The following CCDC178 variants were observed in gnomAD, a reference collection of about 807,000 sequenced individuals.
CCDC178 encodes coiled-coil domain-containing protein 178.
Under a neutral mutation model 117.4 loss-of-function variants are expected in CCDC178, and 126 were observed. That is an observed-to-expected ratio of 1.07 (90% CI 0.93 to 1.24). The LOEUF (loss-of-function observed/expected upper bound fraction) is 1.24. Among genes scored for constraint, CCDC178 ranks in the 50% most tolerant of loss-of-function variants. CCDC178 has a pLI of 0.00. For missense variants in CCDC178, 1,030 were observed against 986.9 expected (o/e 1.04, Z -0.59); for synonymous variants, 283 against 313.4 (o/e 0.90, Z 1.02).
In CCDC178 at chr18:33,342,159, A is replaced by G. The variant is rs150689491; in HGVS notation, c.658+4052T>C. On this transcript the variant is annotated intron_variant, in intron 9 of 22. Coordinates refer to ENST00000383096, the MANE Select transcript of CCDC178 (RefSeq NM_001105528.4). ...ACAATTGAAGATGAGATTACTGTGA[A>G]ATATGTTGAAACCATAGAATATCAG... Among the ~76,000 whole-genome samples, 478 of 152,322 alleles carry G rather than the reference A, an allele frequency of 3.1e-3. 3 individuals are homozygous for G. Among genetic ancestry groups the G allele is most frequent in the African/African-American group, 0.011 (454 of 41,578 alleles).
At chr18:32,999,000 G>A (rs764925744) in intron 21 of CCDC178, among the ~76,000 whole-genome samples, 1 of 152,048 alleles carries the variant, frequency 6.6e-6, no homozygotes, top group African/African-American at 2.4e-5. Context: ...GTAGCATCTT[G>A]GCCACAGTAG....
At chr18:33,164,700 C>T (rs1568028336) in intron 20 of CCDC178, among the ~76,000 whole-genome samples, 1 of 151,470 alleles carries the variant, frequency 6.6e-6, no homozygotes, top group Non-Finnish European at 1.5e-5. Context: ...TTATCTGCTT[C>T]TAAATTGGGT....
At chr18:33,180,334 T>A (rs949784739) in intron 20 of CCDC178, among the ~76,000 whole-genome samples, 1 of 151,924 alleles carries the variant, frequency 6.6e-6, no homozygotes, top group Non-Finnish European at 1.5e-5. Flanking sequence ...ATGTTAATAC[T>A]TTTTTATTAA....
chr18:33,095,841 T>C (rs1348840199), intron 20 of CCDC178, among the ~76,000 whole-genome samples: 1 of 151,988 alleles, frequency 6.6e-6, no homozygotes, highest in Non-Finnish European at 1.5e-5. Flanking sequence ...TCATACCATA[T>C]GTTTTTGTAT....
intron 21 of CCDC178, among the ~76,000 whole-genome samples, chr18:33,033,355 A>T (rs1291566882): frequency 6.6e-6 from 1 of 151,704 alleles, no homozygotes; most frequent in African/African-American, 2.4e-5. Flanking sequence ...CCTCCAAGGA[A>T]AAAAGCCCTT....
At chr18:33,127,918 C>G (rs2058027850) in intron 20 of CCDC178, among the ~76,000 whole-genome samples, 1 of 152,104 alleles carries the variant, frequency 6.6e-6, no homozygotes, top group African/African-American at 2.4e-5. Context: ...AAGTGAAGCC[C>G]ACAGAGATAT....
intron 21 of CCDC178, among the ~76,000 whole-genome samples, chr18:33,081,567 A>G (rs1343217377): frequency 6.6e-6 from 1 of 152,214 alleles, no homozygotes; most frequent in African/African-American, 2.4e-5. Context: ...TTTACAGATA[A>G]CATTTTTGCT....
At chr18:33,273,601 AGAC>A (rs1474907929) in intron 12 of CCDC178, among the ~76,000 whole-genome samples, 1 of 151,706 alleles carries the variant, frequency 6.6e-6, no homozygotes. Context: ...AACAGTGTCT[AGAC>A]AATTCAATGA....
At chr18:33,214,634 T>A (rs1001016926) in intron 19 of CCDC178, among the ~76,000 whole-genome samples, 3 of 152,074 alleles carry the variant, frequency 2.0e-5, no homozygotes, top group Non-Finnish European at 4.4e-5. Context: ...TCTTTAAAAG[T>A]AAATGATATG....
intron 20 of CCDC178, among the ~76,000 whole-genome samples, chr18:33,117,017 A>C (rs2057866370): frequency 6.6e-6 from 1 of 152,068 alleles, no homozygotes; most frequent in South Asian, 2.1e-4. Context: ...CAGGGGCATG[A>C]ATCTATATCA....
intron 20 of CCDC178, among the ~76,000 whole-genome samples, chr18:33,193,580 A>T (rs1284111968): frequency 2.0e-5 from 3 of 152,156 alleles, no homozygotes; most frequent in African/African-American, 7.2e-5. Flanking sequence ...GGTGATTTCT[A>T]TAATGTCTTA....
At chr18:33,368,017 T>C (rs1038680466) in intron 6 of CCDC178, among the ~76,000 whole-genome samples, 1 of 152,014 alleles carries the variant, frequency 6.6e-6, no homozygotes, top group Non-Finnish European at 1.5e-5. Flanking sequence ...TATCAACTAA[T>C]ATTCTCCTAA....
At position 33,267,039 on chromosome 18, in the gene CCDC178, TC is replaced by T. The variant is rs2059826168; in HGVS notation, c.1285del (p.Asp429IlefsTer21). On this transcript the variant is annotated frameshift_variant, in exon 14 of 23. Coordinates refer to ENST00000383096, the MANE Select transcript of CCDC178 (RefSeq NM_001105528.4). LOFTEE classifies it high-confidence loss of function. The stretch of plus-strand genomic sequence containing the variant: ...TTTTGCAACATCAGAAAGCTCAATA[TC>T]CCATGTTTTTTTCTTTAAGAAAAGA... ...NDFYAAKKTWDIELSDVAKDF... is the reference protein window; with the variant it reads ...NDFYAAKKTWXIELSDVAKDF... The T allele has an allele frequency of 6.3e-7, 1 of 1,585,110 alleles. No individual in the cohort carries two copies. Among genetic ancestry groups the T allele is most frequent in the South Asian group, 1.2e-5 (1 of 84,996 alleles).
At chr18:33,029,273 C>G (rs1031688355) in intron 21 of CCDC178, among the ~76,000 whole-genome samples, 1 of 151,948 alleles carries the variant, frequency 6.6e-6, no homozygotes, top group African/African-American at 2.4e-5. Flanking sequence ...ACATGAGTCT[C>G]ACCTGAATTA....
At chr18:33,046,427 G>C (rs1258430512) in intron 21 of CCDC178, among the ~76,000 whole-genome samples, 1 of 151,980 alleles carries the variant, frequency 6.6e-6, no homozygotes, top group African/African-American at 2.4e-5. Flanking sequence ...TGATGGCCTA[G>C]AGAGACAACT....
chr18:33,236,942 A>G (rs1397474904), intron 15 of CCDC178, among the ~76,000 whole-genome samples: 1 of 152,198 alleles, frequency 6.6e-6, no homozygotes, highest in African/African-American at 2.4e-5. Context: ...TTACTACAAG[A>G]TAATTCCACA....
chr18:33,318,960 A>G (rs1423710729), intron 11 of CCDC178, among the ~76,000 whole-genome samples: 1 of 152,124 alleles, frequency 6.6e-6, no homozygotes, highest in Non-Finnish European at 1.5e-5. Context: ...AAAATTCTGA[A>G]AGTTTTTCAT....
At chr18:33,155,736 T>C (rs2058386252) in intron 20 of CCDC178, among the ~76,000 whole-genome samples, 2 of 152,092 alleles carry the variant, frequency 1.3e-5, no homozygotes, top group Non-Finnish European at 2.9e-5. Flanking sequence ...ATCTGTATTG[T>C]GGAAGAAAAG....
intron 6 of CCDC178, among the ~76,000 whole-genome samples, chr18:33,363,959 T>A (rs530667338): frequency 6.6e-6 from 1 of 152,086 alleles, no homozygotes; most frequent in Non-Finnish European, 1.5e-5. Context: ...AACAGTGGGA[T>A]TGACTATGTG....
Sources: gnomAD v4.1 joint callset for allele counts (sites outside exome capture counted in the v4.1 genomes callset) on GRCh38, gnomAD v4.1.1 for gene constraint, MANE v1.5 for transcripts, NCBI Gene and HGNC (gene_info 2026-07-23, HGNC 2026-07-21) for gene names.